The following AP4E1 variants were observed in gnomAD, a reference collection of about 807,000 sequenced individuals.
AP4E1 encodes the protein adaptor related protein complex 4 subunit epsilon 1.
In AP4E1, 56 loss-of-function variants were observed where a neutral mutation model predicts 128.2. That is an observed-to-expected ratio of 0.44 (90% CI 0.35 to 0.55). The LOEUF (loss-of-function observed/expected upper bound fraction) is 0.55. AP4E1 is among the 20% of genes least tolerant of loss of function. The pLI, the probability that AP4E1 is intolerant of heterozygous loss-of-function variation, is 0.00. For synonymous variants in AP4E1, 484 were observed against 473.1 expected (o/e 1.02, Z -0.30); for missense variants, 1,324 against 1,307.7 (o/e 1.01, Z -0.19).
At chr15:50,980,086 T>C (rs1312065042) in intron 15 of AP4E1, among the ~76,000 whole-genome samples, 3 of 152,160 alleles carry the variant, frequency 2.0e-5, no homozygotes, top group Admixed American at 6.6e-5. Flanking sequence ...ATCTGAAAGT[T>C]AGAGATTATT....
At chr15:50,991,301 A>G (rs1242222312) in intron 16 of AP4E1, among the ~76,000 whole-genome samples, 1 of 152,174 alleles carries the variant, frequency 6.6e-6, no homozygotes, top group African/African-American at 2.4e-5. Flanking sequence ...TACTATTTAA[A>G]TCATGGATTA....
rs1460180651 is a variant in AP4E1, at chr15:50,950,138, A to G, written c.1517A>G (p.Tyr506Cys). 6.2e-7 allele frequency: 1 copy of G among 1,612,676 alleles called. No homozygotes were observed. Among genetic ancestry groups the G allele is most frequent in the Admixed American group, 1.7e-5 (1 of 60,010 alleles). ...LTLLDMENVF[Y>C]PQRFLQVMSW... is the part of the protein sequence containing the mutation. ...TTACTGGATATGGAAAATGTGTTCT[A>G]TCCACAGAGATTTCTTCAAGTTATG... Residue 506 changes from tyrosine (Y) to cysteine (C), a missense_variant, in exon 13 of 21, where the codon TAT (tyrosine) becomes TGT (cysteine). Physicochemically the swap from Tyr to Cys is radical, Grantham distance 194 (BLOSUM62 -2). Coordinates refer to ENST00000261842, the MANE Select transcript of AP4E1 (RefSeq NM_007347.5).
At chr15:50,946,785 G>A (rs927749299) in intron 10 of AP4E1, among the ~76,000 whole-genome samples, 1 of 152,182 alleles carries the variant, frequency 6.6e-6, no homozygotes, top group Non-Finnish European at 1.5e-5. Flanking sequence ...ATCTAGAGCT[G>A]TGGCAAGCCA....
At chr15:50,985,346 G>T (rs1340153981) in intron 16 of AP4E1, among the ~76,000 whole-genome samples, 1 of 152,140 alleles carries the variant, frequency 6.6e-6, no homozygotes, top group African/African-American at 2.4e-5. Flanking sequence ...GGCTTTTGTT[G>T]CCATTGCTTT....
chr15:50,977,713 T>TTTGTTTTC (rs1338503666), intron 15 of AP4E1, among the ~76,000 whole-genome samples: 4 of 144,726 alleles, frequency 2.8e-5, no homozygotes, highest in Non-Finnish European at 6.1e-5. Flanking sequence ...ATGGTTTTTT[T>TTTGTTTTC]TTTTTTTTTT....
chr15:50,924,118 G>A (rs2063740834), intron 4 of AP4E1, 114 bp downstream of exon 4: 1 of 810,442 alleles, frequency 1.2e-6, no homozygotes, highest in Admixed American at 2.3e-5. Context: ...TGCAGAATGG[G>A]CTTAGAAGAA....
intron 15 of AP4E1, among the ~76,000 whole-genome samples, chr15:50,973,106 A>G (rs1009259209): frequency 2.6e-5 from 4 of 152,244 alleles, no homozygotes; most frequent in Non-Finnish European, 2.9e-5. Flanking sequence ...GGAAGTATGC[A>G]TATGAATAAA....
At chr15:50,933,367 C>A (rs948027690) in intron 7 of AP4E1, among the ~76,000 whole-genome samples, 1 of 152,104 alleles carries the variant, frequency 6.6e-6, no homozygotes, top group African/African-American at 2.4e-5. Context: ...AACCAATTTA[C>A]TGGAAAAGTC....
At chr15:50,945,677 A>C in intron 10 of AP4E1, 2 of 783,352 alleles carry the variant, frequency 2.6e-6, no homozygotes, top group South Asian at 2.7e-5. Flanking sequence ...GACAGCAAGT[A>C]TATTATGTGT....
chr15:50,976,789 A>G (rs963457664), intron 15 of AP4E1, among the ~76,000 whole-genome samples: 1 of 152,210 alleles, frequency 6.6e-6, no homozygotes, highest in Admixed American at 6.5e-5. Flanking sequence ...ACCAAAAGGA[A>G]CAAAATACCT....
At chr15:50,996,800 C>G (rs2064881071) in intron 17 of AP4E1, among the ~76,000 whole-genome samples, 1 of 152,220 alleles carries the variant, frequency 6.6e-6, no homozygotes, top group South Asian at 2.1e-4. Context: ...GAGTTCTTTC[C>G]TGCTGAGTGT....
chr15:50,925,978 A>G (rs981244502), intron 5 of AP4E1, among the ~76,000 whole-genome samples: 9 of 151,950 alleles, frequency 5.9e-5, no homozygotes, highest in Non-Finnish European at 1.3e-4. Flanking sequence ...ATTTTACAGC[A>G]GAATGTTTCC....
intron 14 of AP4E1, among the ~76,000 whole-genome samples, chr15:50,961,821 T>G (rs2064318453): frequency 1.3e-5 from 2 of 152,104 alleles, no homozygotes; most frequent in South Asian, 4.1e-4. Context: ...TTGTCCCTTT[T>G]TGCAGATGAC....
At chr15:50,942,302 G>A (rs1390500645) in intron 10 of AP4E1, among the ~76,000 whole-genome samples, 1 of 152,004 alleles carries the variant, frequency 6.6e-6, no homozygotes, top group Non-Finnish European at 1.5e-5. Flanking sequence ...ATGAGTTGAA[G>A]GAATTAGGTC....
rs2063573069 is a variant in AP4E1, at chr15:50,912,112, G to C, written c.185G>C (p.Ser62Thr). 6.2e-7 allele frequency: 1 copy of C among 1,614,122 alleles called. No homozygotes were observed. The highest frequency in any genetic ancestry group is 8.5e-7 in the Non-Finnish European group (1 of 1,180,002). The change falls in exon 2 of 21, where the codon AGT (serine) becomes ACT (threonine). Residue 62 changes from serine (S) to threonine (T), a missense_variant. Ser to Thr is a moderately conservative substitution (Grantham distance 58, BLOSUM62 1). Transcript: ENST00000261842. ...EEKLIQQELSSLKATVSAPTT... is the reference protein window; with the variant it reads ...EEKLIQQELSTLKATVSAPTT... ...AAATTAATCCAGCAGGAACTGAGTA[G>C]TCTGAAAGCGACTGTTTCTGCTCCT...
At chr15:50,947,035 G>T (rs1596475589) in intron 10 of AP4E1, among the ~76,000 whole-genome samples, 2 of 152,160 alleles carry the variant, frequency 1.3e-5, no homozygotes, top group East Asian at 3.9e-4. Context: ...GCCAGGCTTG[G>T]TGGCACGCTG....
At chr15:50,967,490 T>G (rs951862632) in intron 14 of AP4E1, among the ~76,000 whole-genome samples, 10 of 152,184 alleles carry the variant, frequency 6.6e-5, no homozygotes, top group African/African-American at 2.4e-4. Flanking sequence ...AGAAACAGAT[T>G]CCCCTGGTAC....
intron 8 of AP4E1, among the ~76,000 whole-genome samples, chr15:50,937,173 C>T (rs2063918765): frequency 6.6e-6 from 1 of 152,106 alleles, no homozygotes; most frequent in African/African-American, 2.4e-5. Context: ...TATTTTACTG[C>T]TTAAGAATGT....
Position 51,005,384 on chromosome 15 carries a change from T to C in AP4E1, c.*2722T>C, listed in dbSNP as rs1469401745. The C allele has an allele frequency of 2.6e-5, 4 of 152,206 alleles. No homozygotes were observed. Among genetic ancestry groups the C allele is most frequent in the African/African-American group, 9.7e-5 (4 of 41,254 alleles). 9.4% of individuals were successfully genotyped at this position (152,206 alleles called of 1,614,324 possible). ...AGGGAAGACAGAAAAGCCTTAAGAG[T>C]AGACGGAGGAAGAAGGGTACCAGAA... On this transcript the variant is annotated 3_prime_UTR_variant, in exon 21 of 21. Coordinates refer to ENST00000261842, the MANE Select transcript of AP4E1 (RefSeq NM_007347.5).
Sources: allele counts gnomAD v4.1 joint callset (sites outside exome capture counted in the v4.1 genomes callset), GRCh38; gene constraint gnomAD v4.1.1; transcripts MANE v1.5; gene names NCBI Gene and HGNC (gene_info 2026-07-23, HGNC 2026-07-21).